Variants in STK39 observed in about 807,000 individuals in gnomAD.
The protein encoded by STK39 is serine/threonine kinase 39.
STK39 carries 20 observed loss-of-function variants against 77.8 expected under a neutral mutation model. The observed-to-expected ratio is 0.26, with a 90% confidence interval of 0.18 to 0.37. The LOEUF is 0.37. Ranked by LOEUF, STK39 falls within the 10% of genes least tolerant of loss-of-function variation. The pLI is 1.00. For missense variants in STK39, 479 were observed against 656.5 expected (o/e 0.73, Z 2.95); for synonymous variants, 246 against 234.1 (o/e 1.05, Z -0.47).
At chr2:168,239,983 C>T (rs564208678) in intron 1 of STK39, among the ~76,000 whole-genome samples, 2 of 152,212 alleles carry the variant, frequency 1.3e-5, no homozygotes, top group East Asian at 3.9e-4. Flanking sequence ...TGAACATGCA[C>T]CAAGATATAC....
At chr2:168,081,846 C>G (rs1285122457) in intron 10 of STK39, among the ~76,000 whole-genome samples, 1 of 152,114 alleles carries the variant, frequency 6.6e-6, no homozygotes, top group Non-Finnish European at 1.5e-5. Flanking sequence ...AAGAGAAGTT[C>G]CCCTGCACAA....
chr2:168,246,955 T>A (rs568422753), intron 1 of STK39, among the ~76,000 whole-genome samples: 2 of 148,652 alleles, frequency 1.3e-5, no homozygotes, highest in South Asian at 4.2e-4. Flanking sequence ...CGGCGATCCC[T>A]GAGATAAAAG....
intron 12 of STK39, among the ~76,000 whole-genome samples, chr2:168,073,837 C>T (rs1421715206): frequency 6.6e-6 from 1 of 152,086 alleles, no homozygotes; most frequent in African/African-American, 2.4e-5. Flanking sequence ...TGGCTGGTCT[C>T]GAATTCCTGA....
intron 10 of STK39, among the ~76,000 whole-genome samples, chr2:168,078,696 C>G (rs1046941188): frequency 6.6e-6 from 1 of 150,712 alleles, no homozygotes; most frequent in African/African-American, 2.4e-5. Flanking sequence ...GAAATACTGA[C>G]CAAAACTTAG....
rs376594603 is a variant in STK39, at chr2:168,076,529, A to G, written c.1090-1298T>C. Among the ~76,000 whole-genome samples the G allele has an allele frequency of 3.1e-4, 47 of 152,336 alleles. 1 individual carries two copies. The highest frequency in any genetic ancestry group is 1.0e-3 in the African/African-American group (43 of 41,582). On this transcript the variant is annotated intron_variant, in intron 10 of 17. Coordinates refer to ENST00000355999, the MANE Select transcript of STK39 (RefSeq NM_013233.3). ...ATCAATGCGAAGTCATAAAAAATGCATGCTAGGGGTTGGCTTTGATTTGAG... is the reference window on the plus strand; with the variant it reads ...ATCAATGCGAAGTCATAAAAAATGCGTGCTAGGGGTTGGCTTTGATTTGAG...
intron 1 of STK39, among the ~76,000 whole-genome samples, chr2:168,222,483 T>C (rs1476102044): frequency 4.6e-5 from 7 of 152,202 alleles, no homozygotes; most frequent in African/African-American, 1.7e-4. Context: ...TTTACCAATG[T>C]AGTAGCATTA....
At chr2:167,970,300 G>T (rs1282630818) in intron 16 of STK39, among the ~76,000 whole-genome samples, 1 of 152,072 alleles carries the variant, frequency 6.6e-6, no homozygotes, top group African/African-American at 2.4e-5. Context: ...AATGAATACA[G>T]GAACTGTTTT....
Position 168,075,007 on chromosome 2 carries a change from C to T in STK39, c.1217G>A (p.Arg406Gln), listed in dbSNP as rs763607390. The T allele has an allele frequency of 8.7e-6, 14 of 1,613,642 alleles. No individual in the cohort carries two copies. The highest frequency in any genetic ancestry group is 3.3e-5 in the South Asian group (3 of 91,080). ...GKAAFSQEKS[R>Q]RVKEENPEIA... ...CTCTGGATTTTCTTCTTTTACTCTTCGTGACTGTAAAACAATTATGTATCC... is the reference window on the plus strand; with the variant it reads ...CTCTGGATTTTCTTCTTTTACTCTTTGTGACTGTAAAACAATTATGTATCC... Residue 406 changes from arginine to glutamine, a missense_variant, in exon 12 of 18, where the codon CGA becomes CAA. Physicochemically the swap from Arg to Gln is conservative, Grantham distance 43. Transcript: ENST00000355999.
At chr2:168,148,971 G>A (rs997179300) in intron 5 of STK39, among the ~76,000 whole-genome samples, 2 of 152,206 alleles carry the variant, frequency 1.3e-5, no homozygotes, top group African/African-American at 4.8e-5. Context: ...ACCATGAGGA[G>A]CTTAGAATAT....
At chr2:168,164,186 G>C (rs1688643015) in intron 3 of STK39, among the ~76,000 whole-genome samples, 4 of 152,054 alleles carry the variant, frequency 2.6e-5, no homozygotes, top group Admixed American at 2.0e-4. Context: ...AAATTCCTAA[G>C]AGCAACCCTC....
At chr2:168,163,397 C>G (rs2292783) in intron 4 of STK39, among the ~76,000 whole-genome samples, 42,564 of 151,980 alleles carry the variant, frequency 0.28, 6,882 homozygotes, top group East Asian at 0.56. Context: ...TAAATGAGTC[C>G]ATGTAGTCCT....
At chr2:167,979,480 CAATA>C (rs1470381936) in intron 16 of STK39, among the ~76,000 whole-genome samples, 1 of 152,138 alleles carries the variant, frequency 6.6e-6, no homozygotes, top group Non-Finnish European at 1.5e-5. Flanking sequence ...TACTTTCTGA[CAATA>C]AAGGTCTTAA....
At chr2:168,161,922 CAT>C (rs1688582448) in intron 4 of STK39, 80 bp from the exon 5 acceptor site, 1 of 984,346 alleles carries the variant, frequency 1.0e-6, no homozygotes, top group South Asian at 1.5e-5. Flanking sequence ...GATTTTAAAA[CAT>C]ATCATACAAC....
chr2:168,131,300 A>G (rs1355556170), intron 8 of STK39, among the ~76,000 whole-genome samples: 2 of 152,086 alleles, frequency 1.3e-5, no homozygotes, highest in Non-Finnish European at 1.5e-5. Flanking sequence ...ATATTGGGAG[A>G]GAAAGGAGGA....
intron 14 of STK39, among the ~76,000 whole-genome samples, chr2:168,057,741 C>T (rs1685563217): frequency 6.6e-6 from 1 of 152,148 alleles, no homozygotes; most frequent in South Asian, 2.1e-4. Context: ...CCACTCTCAA[C>T]TAATGACATT....
chr2:168,192,915 C>A (rs1689376010), intron 1 of STK39, among the ~76,000 whole-genome samples: 1 of 152,108 alleles, frequency 6.6e-6, no homozygotes, highest in Non-Finnish European at 1.5e-5. Flanking sequence ...CCAGCTCCTG[C>A]CAGCTTCCTA....
chr2:167,964,594 G>T, intron 17 of STK39, 68 bp downstream of exon 17: 1 of 1,367,892 alleles, frequency 7.3e-7, no homozygotes, highest in South Asian at 1.2e-5. Context: ...TATTAAACTA[G>T]ATTATTATTC....
At chr2:168,203,842 C>CCTCG (rs920537525) in intron 1 of STK39, among the ~76,000 whole-genome samples, 19 of 152,242 alleles carry the variant, frequency 1.2e-4, no homozygotes, top group African/African-American at 4.3e-4. Flanking sequence ...GATCCACCCA[C>CCTCG]CTCGGCCTCC....
intron 16 of STK39, among the ~76,000 whole-genome samples, chr2:167,985,627 C>T (rs997682640): frequency 3.9e-5 from 6 of 152,162 alleles, no homozygotes; most frequent in Non-Finnish European, 5.9e-5. Context: ...AACCACTAGC[C>T]TTACTGAATT....
Sources: gnomAD v4.1 joint callset for allele counts (sites outside exome capture counted in the v4.1 genomes callset) on GRCh38, gnomAD v4.1.1 for gene constraint, MANE v1.5 for transcripts, NCBI Gene and HGNC (gene_info 2026-07-23, HGNC 2026-07-21) for gene names.